ARHGAP26: variants seen among roughly 807,000 people sequenced by gnomAD.
ARHGAP26 encodes the protein Rho GTPase activating protein 26, also known as rho GTPase-activating protein 26.
A neutral mutation model predicts 104.8 loss-of-function variants in ARHGAP26; 38 were observed. The ratio of observed to expected loss-of-function variants is 0.36; its 90% CI spans 0.28 to 0.48. The LOEUF is 0.48. Ranked by LOEUF, ARHGAP26 falls within the 20% of genes least tolerant of loss-of-function variation. The probability of loss-of-function intolerance (pLI) is 0.99; values close to 1 mark genes in which losing one functional copy is unlikely to be tolerated. For synonymous variants in ARHGAP26, 341 were observed against 340.0 expected (o/e 1.00, Z -0.03); for missense variants, 704 against 947.9 (o/e 0.74, Z 3.38).
At chr5:143,142,688 C>G (rs776404761) in intron 19 of ARHGAP26, among the ~76,000 whole-genome samples, 5 of 152,144 alleles carry the variant, frequency 3.3e-5, no homozygotes, top group Non-Finnish European at 7.4e-5. Flanking sequence ...AAAATTGCTT[C>G]AGAAAGTCTG....
chr5:143,013,756 T>C (rs1260893793), intron 11 of ARHGAP26, among the ~76,000 whole-genome samples: 1 of 152,258 alleles, frequency 6.6e-6, no homozygotes, highest in Non-Finnish European at 1.5e-5. Flanking sequence ...GCGCAGTTCA[T>C]GCTTAATGAT....
intron 1 of ARHGAP26, among the ~76,000 whole-genome samples, chr5:142,821,206 C>T (rs76754794): frequency 0.03 from 4,610 of 151,682 alleles, 95 homozygotes; most frequent in South Asian, 0.081. Flanking sequence ...ATTACTCACA[C>T]ATGGGCCAAA....
intron 19 of ARHGAP26, among the ~76,000 whole-genome samples, chr5:143,145,506 T>TC (rs1403573456): frequency 6.6e-6 from 1 of 152,178 alleles, no homozygotes; most frequent in Non-Finnish European, 1.5e-5. Flanking sequence ...TGATACTGAT[T>TC]CATACTGATA....
At chr5:142,777,879 C>G (rs1756670308) in intron 1 of ARHGAP26, among the ~76,000 whole-genome samples, 2 of 152,180 alleles carry the variant, frequency 1.3e-5, no homozygotes, top group Non-Finnish European at 2.9e-5. Context: ...GAGTTTTATT[C>G]TAAGTGTGAT....
intron 10 of ARHGAP26, among the ~76,000 whole-genome samples, chr5:142,929,323 T>C (rs928148628): frequency 1.3e-5 from 2 of 152,206 alleles, no homozygotes; most frequent in African/African-American, 4.8e-5. Flanking sequence ...CAAACATGAA[T>C]TAAATTGACA....
At chr5:142,901,785 T>C in intron 6 of ARHGAP26, 150 bp from the exon 7 acceptor site, 1 of 626,912 alleles carries the variant, frequency 1.6e-6, no homozygotes, top group Non-Finnish European at 2.8e-6. Flanking sequence ...AAGGGCATAG[T>C]GCCTGGCACA....
At chr5:143,039,526 T>TC (rs1180480787) in intron 13 of ARHGAP26, among the ~76,000 whole-genome samples, 1 of 107,870 alleles carries the variant, frequency 9.3e-6, no homozygotes, top group Non-Finnish European at 2.7e-5. Flanking sequence ...ACAGGAGTTT[T>TC]AATTTTTTTT....
At chr5:142,900,761 TA>T (rs199728994) in intron 6 of ARHGAP26, among the ~76,000 whole-genome samples, 189 of 151,238 alleles carry the variant, frequency 1.2e-3, no homozygotes, top group African/African-American at 3.7e-3. Flanking sequence ...TTTAACAGGT[TA>T]AAAAAAAATC....
At chr5:143,056,145 A>G in intron 16 of ARHGAP26, 59 bp downstream of exon 16, 2 of 1,431,228 alleles carry the variant, frequency 1.4e-6, no homozygotes, top group Non-Finnish European at 2.0e-6. Context: ...ATTTCAAAGA[A>G]GAGTCAGTAT....
chr5:143,079,216 C>T (rs1037545538), intron 17 of ARHGAP26, among the ~76,000 whole-genome samples: 1 of 152,204 alleles, frequency 6.6e-6, no homozygotes, highest in Non-Finnish European at 1.5e-5. Context: ...CACAAAGGAT[C>T]TATAGAGTTG....
At chr5:143,173,607 T>C (rs1023698340) in intron 20 of ARHGAP26, among the ~76,000 whole-genome samples, 1 of 152,214 alleles carries the variant, frequency 6.6e-6, no homozygotes, top group Non-Finnish European at 1.5e-5. Context: ...TTCTGACAGG[T>C]GGGTATTGTT....
chr5:142,783,981 A>G (rs925100841), intron 1 of ARHGAP26, among the ~76,000 whole-genome samples: 3 of 152,220 alleles, frequency 2.0e-5, no homozygotes, highest in Non-Finnish European at 2.9e-5. Flanking sequence ...TGTGGAGGCC[A>G]GGGCAGGCAC....
At chr5:143,092,238 A>G (rs1471003755) in intron 17 of ARHGAP26, among the ~76,000 whole-genome samples, 2 of 140,018 alleles carry the variant, frequency 1.4e-5, no homozygotes, top group Non-Finnish European at 3.0e-5. Flanking sequence ...ATCTCGGCTC[A>G]CTGCAAGCTC....
chr5:143,019,774 T>G (rs1441186938), intron 12 of ARHGAP26, among the ~76,000 whole-genome samples: 4 of 152,206 alleles, frequency 2.6e-5, no homozygotes, highest in African/African-American at 9.7e-5. Context: ...CTAAAAAGAT[T>G]AGCTTGTTTA....
chr5:143,148,513 TAAG>T (rs1216677025), intron 20 of ARHGAP26, among the ~76,000 whole-genome samples: 3 of 152,310 alleles, frequency 2.0e-5, no homozygotes, highest in African/African-American at 7.2e-5. Context: ...ACTGAGAATA[TAAG>T]ATCTTTTTAG....
intron 4 of ARHGAP26, 140 bp downstream of exon 4, chr5:142,879,585 T>C (rs945706970): frequency 6.5e-6 from 5 of 765,568 alleles, no homozygotes; most frequent in Non-Finnish European, 2.1e-6. Flanking sequence ...GGCAGAAAAC[T>C]CTATAGAGCC....
At chr5:142,825,433 T>A (rs1767046431) in intron 1 of ARHGAP26, among the ~76,000 whole-genome samples, 1 of 151,860 alleles carries the variant, frequency 6.6e-6, no homozygotes, top group Non-Finnish European at 1.5e-5. Flanking sequence ...GGGGCTGAGG[T>A]TATGGAGATG....
chr5:142,846,545 C>T (rs2152231085), intron 1 of ARHGAP26, among the ~76,000 whole-genome samples: 1 of 152,290 alleles, frequency 6.6e-6, no homozygotes, highest in Non-Finnish European at 1.5e-5. Context: ...GTAAGGGCTG[C>T]AGAACTGGGC....
At chr5:143,210,675 C>T (rs1166449431) in intron 21 of ARHGAP26, among the ~76,000 whole-genome samples, 1 of 152,226 alleles carries the variant, frequency 6.6e-6, no homozygotes, top group African/African-American at 2.4e-5. Flanking sequence ...ATGATCAACC[C>T]CTTTCCACCT....
Sources: allele counts gnomAD v4.1 joint callset (sites outside exome capture counted in the v4.1 genomes callset), GRCh38; gene constraint gnomAD v4.1.1; transcripts MANE v1.5; gene names NCBI Gene and HGNC (gene_info 2026-07-23, HGNC 2026-07-21).